Variants in CD2AP observed in about 807,000 individuals in gnomAD.
CD2AP encodes the protein CD2-associated protein.
Under a neutral mutation model 85.1 loss-of-function variants are expected in CD2AP, and 46 were observed. The observed-to-expected ratio is 0.54, with a 90% CI of 0.43 to 0.69. CD2AP has a LOEUF of 0.69. CD2AP is among the 30% of genes least tolerant of loss of function. CD2AP has a pLI of 0.00. For synonymous variants in CD2AP, 255 were observed against 252.9 expected, an observed-to-expected ratio of 1.01 and a Z score of -0.08; for missense variants, 769 against 729.5, an observed-to-expected ratio of 1.05 and a Z score of -0.62.
At chr6:47,532,934 A>G (rs1766928254) in intron 2 of CD2AP, among the ~76,000 whole-genome samples, 1 of 152,138 alleles carries the variant, frequency 6.6e-6, no homozygotes, top group Non-Finnish European at 1.5e-5. Context: ...CTTTTCCATG[A>G]TGGTTCACAT....
chr6:47,512,473 A>G (rs202232574), intron 2 of CD2AP, among the ~76,000 whole-genome samples: 31 of 152,374 alleles, frequency 2.0e-4, no homozygotes, highest in African/African-American at 6.5e-4. Context: ...CTGAAGAACA[A>G]TGATAGTCAA....
At chr6:47,605,922 C>G (rs1169370285) in intron 13 of CD2AP, among the ~76,000 whole-genome samples, 2 of 151,734 alleles carry the variant, frequency 1.3e-5, no homozygotes, top group Non-Finnish European at 2.9e-5. Context: ...TTGGAAACAA[C>G]CTTTATAGTG....
At position 47,555,837 on chromosome 6, in the gene CD2AP, C is replaced by T. The variant is rs1220452964; in HGVS notation, c.541+1071C>T. ...TTTAACGTGAAAGGGCTGTTTCGTG[C>T]ATTGACAGTTTCTAAGCATAATGTT... On this transcript the variant is annotated intron_variant, in intron 5 of 17. Transcript: ENST00000359314. Among the ~76,000 whole-genome samples, 3 of 151,488 alleles carry T rather than the reference C, an allele frequency of 2.0e-5. No individual in the cohort carries two copies. The East Asian group carries it at 5.8e-4, about 29-fold the overall frequency.
In CD2AP at chr6:47,595,972, C is replaced by T. The variant is rs1485376538; in HGVS notation, c.1220C>T (p.Thr407Ile). The change falls in exon 12 of 18, where the codon ACA (threonine) becomes ATA (isoleucine). Residue 407 changes from threonine (T) to isoleucine (I), a missense_variant. Thr to Ile is a moderately conservative substitution (Grantham distance 89, BLOSUM62 -1). Transcript: ENST00000359314. ...KASNLLRSSGTVYPKRPEKPV... is the reference protein window; with the variant it reads ...KASNLLRSSGIVYPKRPEKPV... ...AGTAATTTACTGAGATCTTCTGGAA[C>T]AGTGTACCCAAAGCGACCTGAAAAA... is the stretch of plus-strand genomic sequence containing the variant. The T allele has an allele frequency of 6.2e-7, 1 of 1,612,524 alleles. No individual in the cohort carries two copies. The highest frequency in any genetic ancestry group is 1.3e-5 in the African/African-American group (1 of 74,842).
chr6:47,556,312 G>A (rs765765778), intron 5 of CD2AP, among the ~76,000 whole-genome samples: 4 of 148,814 alleles, frequency 2.7e-5, no homozygotes, highest in Non-Finnish European at 4.4e-5. Flanking sequence ...ATGAGAACAT[G>A]TAGTGTTTGC....
intron 2 of CD2AP, among the ~76,000 whole-genome samples, chr6:47,505,075 CAG>C (rs1405504376): frequency 8.2e-6 from 1 of 122,060 alleles, no homozygotes; most frequent in African/African-American, 3.1e-5. Context: ...GTGTTTCTCA[CAG>C]AGGGGGATTT....
intron 2 of CD2AP, among the ~76,000 whole-genome samples, chr6:47,519,361 TGTGATG>T (rs67595579): frequency 0.27 from 40,806 of 151,942 alleles, 5,644 homozygotes; most frequent in African/African-American, 0.33. Context: ...GTAGGCTGCA[TGTGATG>T]GTTTGGGTTT....
intron 16 of CD2AP, 78 bp from the exon 17 acceptor site, chr6:47,612,392 AGGT>A (rs1430017348): frequency 2.1e-6 from 2 of 947,812 alleles, no homozygotes; most frequent in Non-Finnish European, 3.4e-6. Context: ...CTGGTAGGTT[AGGT>A]AACAAAAAGC....
intron 11 of CD2AP, among the ~76,000 whole-genome samples, chr6:47,584,674 TA>T (rs550417358): frequency 0.01 from 1,596 of 152,264 alleles, 14 homozygotes; most frequent in Non-Finnish European, 0.017. Context: ...GAAGTTTTTT[TA>T]TATTCTTTTT....
chr6:47,609,036 T>C, intron 15 of CD2AP, 87 bp from the exon 16 acceptor site: 2 of 1,056,060 alleles, frequency 1.9e-6, no homozygotes, highest in Non-Finnish European at 2.7e-6. Context: ...CTTGAAGTAC[T>C]TAATTGTTTT....
At chr6:47,532,517 T>C (rs1766915523) in intron 2 of CD2AP, among the ~76,000 whole-genome samples, 1 of 152,150 alleles carries the variant, frequency 6.6e-6, no homozygotes, top group African/African-American at 2.4e-5. Flanking sequence ...AACGTTTTTC[T>C]TGCACAATGT....
chr6:47,580,622 A>G (rs1036342248), intron 9 of CD2AP, among the ~76,000 whole-genome samples: 1 of 152,176 alleles, frequency 6.6e-6, no homozygotes, highest in South Asian at 2.1e-4. Context: ...TATTCAATCC[A>G]CTGAAATATG....
intron 3 of CD2AP, among the ~76,000 whole-genome samples, chr6:47,534,352 C>T (rs1766969565): frequency 6.6e-6 from 1 of 151,990 alleles, no homozygotes; most frequent in Admixed American, 6.6e-5. Context: ...AAAAGCAAAA[C>T]AAAACAAAAA....
rs374532164 is a variant in CD2AP, at chr6:47,579,446, A to T, written c.965A>T (p.Asp322Val). 2.5e-6 allele frequency: 4 copies of T among 1,613,028 alleles called. No homozygotes were observed. The highest frequency in any genetic ancestry group is 3.4e-6 in the Non-Finnish European group (4 of 1,179,128). Residue 322 changes from aspartate (D) to valine (V), a missense_variant, in exon 9 of 18, where the codon GAC becomes GTC. Asp to Val is a radical substitution (Grantham distance 152). Transcript: ENST00000359314. ...ELNGKEGVFPDNFAVQINELD... is the reference protein window; with the variant it reads ...ELNGKEGVFPVNFAVQINELD... ...AATGGTAAAGAAGGAGTATTTCCAG[A>T]CAATTTTGCTGTCCAGATAAATGAA...
In CD2AP at chr6:47,577,095, A is replaced by G. The variant is rs1318122792; in HGVS notation, c.895A>G (p.Ile299Val). The change falls in exon 8 of 18, where the codon ATA becomes GTA. Residue 299 changes from isoleucine to valine, a missense_variant. Transcript: ENST00000359314. ...TAAAGAGGGGGAGATAATCCATTTG[A>G]TAAGTAAGGTAAGGTGTTTCTGTTT... ...TFKEGEIIHL[I>V]SKETGEAGWW... 2.0e-6 allele frequency: 3 copies of G among 1,486,536 alleles called. No homozygotes were observed. The highest frequency in any genetic ancestry group is 2.8e-6 in the Non-Finnish European group (3 of 1,064,238). The allele number at this position is 1,486,536 out of a possible 1,614,324, so 92.1% of individuals were successfully genotyped here. A position where few individuals can be genotyped will look rare whatever the true frequency, so the allele number is the denominator to read the frequency against.
intron 2 of CD2AP, among the ~76,000 whole-genome samples, chr6:47,531,551 A>G (rs1235301073): frequency 6.6e-6 from 1 of 150,996 alleles, no homozygotes; most frequent in Non-Finnish European, 1.5e-5. Flanking sequence ...TACCTTAAAT[A>G]AACAATCCTC....
intron 4 of CD2AP, among the ~76,000 whole-genome samples, chr6:47,550,862 A>G (rs928405052): frequency 6.6e-6 from 1 of 152,244 alleles, no homozygotes; most frequent in Admixed American, 6.5e-5. Context: ...ATAAAAAGGA[A>G]TGATTTCATG....
intron 2 of CD2AP, among the ~76,000 whole-genome samples, chr6:47,529,274 T>C (rs1392018528): frequency 6.7e-6 from 1 of 149,542 alleles, no homozygotes; most frequent in African/African-American, 2.5e-5. Context: ...AGTGTCGTTT[T>C]GTTGTAATGT....
Position 47,553,952 on chromosome 6 carries a change from G to A in CD2AP, c.421-694G>A, listed in dbSNP as rs1767602001. On this transcript the variant is annotated intron_variant, in intron 4 of 17. Coordinates refer to ENST00000359314, the MANE Select transcript of CD2AP (RefSeq NM_012120.3). ...TTTTCTGTGCCATTTAGGAAGTTAT[G>A]TTTATTTTCTTTTTTCTTTTTTTGA... is the stretch of plus-strand genomic sequence containing the variant. 3.9e-5 allele frequency among the ~76,000 whole-genome samples: 6 copies of A among 152,072 alleles called. No homozygotes were observed. In the South Asian group the frequency reaches 1.0e-3, roughly 26 times the overall value.
Sources: gnomAD v4.1 joint callset for allele counts (sites outside exome capture counted in the v4.1 genomes callset) on GRCh38, gnomAD v4.1.1 for gene constraint, MANE v1.5 for transcripts, NCBI Gene and HGNC (gene_info 2026-07-23, HGNC 2026-07-21) for gene names.